Variants in LRP1B observed in about 807,000 individuals in gnomAD.
LRP1B encodes the protein low-density lipoprotein receptor-related protein 1B.
In LRP1B, 217 loss-of-function variants were observed where a neutral mutation model predicts 556.6. The ratio of observed to expected loss-of-function variants is 0.39; its 90% CI spans 0.35 to 0.44. The LOEUF (loss-of-function observed/expected upper bound fraction) is 0.44, where lower values mean the gene tolerates loss of function less well. Ranked by LOEUF, LRP1B falls within the 20% of genes least tolerant of loss-of-function variation. LRP1B has a pLI of 1.00. For synonymous variants in LRP1B, 2,047 were observed against 1,865.8 expected, an observed-to-expected ratio of 1.10 and a Z score of -2.50; for missense variants, 5,053 against 5,620.8, an observed-to-expected ratio of 0.90 and a Z score of 3.23.
At chr2:141,957,631 T>G (rs1397551272) in intron 1 of LRP1B, among the ~76,000 whole-genome samples, 1 of 152,008 alleles carries the variant, frequency 6.6e-6, no homozygotes, top group African/African-American at 2.4e-5. Context: ...TCTGTGGACA[T>G]CAAAAATGAA....
chr2:140,442,373 AAC>A, intron 66 of LRP1B, 129 bp downstream of exon 66: 1 of 1,173,704 alleles, frequency 8.5e-7, no homozygotes, highest in Non-Finnish European at 1.2e-6. Flanking sequence ...TGAATCTGTG[AAC>A]ACAGAGACAA....
rs570619491 is a variant in LRP1B, at chr2:140,845,364, T to C, written c.4940-4272A>G. Among the ~76,000 whole-genome samples the C allele has an allele frequency of 2.6e-5, 4 of 152,140 alleles. No individual in the cohort carries two copies. In the South Asian group the frequency reaches 8.3e-4, roughly 32 times the overall value. ...CTGCAAAACCAAAGAAAGGGAAAAA[T>C]AAAGTTAAACTGATTCCTGGTTTAT... On this transcript the variant is annotated intron_variant, in intron 29 of 90. Coordinates refer to ENST00000389484, the MANE Select transcript of LRP1B (RefSeq NM_018557.3).
chr2:140,565,649 C>T (rs929308461), intron 43 of LRP1B, among the ~76,000 whole-genome samples: 4 of 152,140 alleles, frequency 2.6e-5, no homozygotes, highest in Non-Finnish European at 4.4e-5. Context: ...CCAACAAAAA[C>T]AGCCAAAACA....
rs2105004309 is a variant in LRP1B, at chr2:140,536,719, A to G, written c.7514-10T>C. On this transcript the variant is annotated splice_polypyrimidine_tract_variant and intron_variant, in intron 45 of 90. Transcript: ENST00000389484. ...CAGGAGGAATTTTTAGCTGCAAGAAAAAAAAAAAAAGTCAATACTTTTGTG... is the reference window on the plus strand; with the variant it reads ...CAGGAGGAATTTTTAGCTGCAAGAAGAAAAAAAAAAGTCAATACTTTTGTG... 1.3e-6 allele frequency: 2 copies of G among 1,531,874 alleles called. No individual in the cohort carries two copies. The highest frequency in any genetic ancestry group is 4.1e-5 in the Admixed American group (2 of 48,996). 94.9% of individuals were successfully genotyped at this position (1,531,874 alleles called of 1,614,324 possible). A position where few individuals can be genotyped will look rare whatever the true frequency, so the allele number is the denominator to read the frequency against.
intron 7 of LRP1B, among the ~76,000 whole-genome samples, chr2:141,149,178 TA>T (rs1432039903): frequency 6.6e-6 from 1 of 152,116 alleles, no homozygotes; most frequent in East Asian, 1.9e-4. Context: ...GGTCTCAGAA[TA>T]AAAAGGGTTT....
intron 3 of LRP1B, among the ~76,000 whole-genome samples, chr2:141,331,005 G>T (rs1175601702): frequency 6.6e-6 from 1 of 152,074 alleles, no homozygotes; most frequent in Admixed American, 6.6e-5. Flanking sequence ...TGATCCGTCC[G>T]CCTCGGCCTC....
At position 141,336,970 on chromosome 2, in the gene LRP1B, A is replaced by G. The variant is rs147731706; in HGVS notation, c.344-82329T>C. ...AGGGCATTTGGCTTATGTCCAGTTT[A>G]TGTTAGTTATGAGTACAGTTACTGT... On this transcript the variant is annotated intron_variant, in intron 3 of 90. Transcript: ENST00000389484. Among the ~76,000 whole-genome samples, 1,128 of 152,296 alleles carry G rather than the reference A, an allele frequency of 7.4e-3. 19 individuals are homozygous for G. The highest frequency in any genetic ancestry group is 0.034 in the Middle Eastern group (10 of 294).
chr2:140,233,205 A>G lies in LRP1B; in HGVS notation c.13781T>C (p.Ile4594Thr). ...CACTGATTATGCCACTGTCTCTCTTATACCAATTTCTATTTTCTTTGGAAG... is the reference window on the plus strand; with the variant it reads ...CACTGATTATGCCACTGTCTCTCTTGTACCAATTTCTATTTTCTTTGGAAG... ...ELLPKKIEIG[I>T]RETVA is the part of the protein sequence containing the mutation. Residue 4594 changes from isoleucine (I) to threonine (T), a missense_variant, in exon 91 of 91, where the codon ATA (isoleucine) becomes ACA (threonine). Physicochemically the swap from Ile to Thr is moderately conservative, Grantham distance 89. Around this residue, in one of 5 missense-constraint regions of LRP1B, gnomAD observed 551 missense variants for 592.0 expected, o/e 0.93. Coordinates refer to ENST00000389484, the MANE Select transcript of LRP1B (RefSeq NM_018557.3). The G allele has an allele frequency of 6.2e-7, 1 of 1,600,698 alleles. No homozygotes were observed. The highest frequency in any genetic ancestry group is 8.5e-7 in the Non-Finnish European group (1 of 1,170,626).
At chr2:141,605,951 G>GA (rs35831162) in intron 2 of LRP1B, among the ~76,000 whole-genome samples, 1,683 of 146,484 alleles carry the variant, frequency 0.011, 16 homozygotes, top group Middle Eastern at 0.025. Flanking sequence ...AAATGCAAAA[G>GA]AAAAAAAAAA....
intron 41 of LRP1B, among the ~76,000 whole-genome samples, chr2:140,659,581 G>GTGCTACAT (rs1398343663): frequency 6.6e-6 from 1 of 151,980 alleles, no homozygotes; most frequent in Non-Finnish European, 1.5e-5. Context: ...ACACAGATAT[G>GTGCTACAT]TGCTACATAA....
At chr2:140,611,553 G>A (rs796183061) in intron 41 of LRP1B, among the ~76,000 whole-genome samples, 18 of 152,186 alleles carry the variant, frequency 1.2e-4, no homozygotes, top group African/African-American at 3.9e-4. Flanking sequence ...CGTAGAAAGA[G>A]TTTGGTTGTT....
At chr2:141,865,651 G>T (rs1319159975) in intron 1 of LRP1B, among the ~76,000 whole-genome samples, 1 of 147,566 alleles carries the variant, frequency 6.8e-6, no homozygotes, top group African/African-American at 2.5e-5. Context: ...ATCCAAACAA[G>T]AGGGTAGAAG....
intron 32 of LRP1B, among the ~76,000 whole-genome samples, chr2:140,786,233 C>T (rs1689895610): frequency 1.3e-5 from 2 of 152,118 alleles, no homozygotes; most frequent in South Asian, 4.1e-4. Context: ...TTGCAGTCAA[C>T]TTTCAATTTT....
chr2:140,428,061 A>G (rs1685739846), intron 66 of LRP1B, among the ~76,000 whole-genome samples: 1 of 152,158 alleles, frequency 6.6e-6, no homozygotes, highest in African/African-American at 2.4e-5. Context: ...ATCCAGCCCA[A>G]TTCATGGCTT....
chr2:140,512,354 A>G (rs1042697612), intron 51 of LRP1B, among the ~76,000 whole-genome samples: 5 of 152,186 alleles, frequency 3.3e-5, no homozygotes, highest in Non-Finnish European at 5.9e-5. Context: ...AATGGGCCAA[A>G]GAAAAAATTC....
chr2:140,917,415 T>C (rs1694612394), intron 21 of LRP1B, among the ~76,000 whole-genome samples: 1 of 152,192 alleles, frequency 6.6e-6, no homozygotes, highest in Non-Finnish European at 1.5e-5. Flanking sequence ...ACAACAGCTT[T>C]ATTCATAATT....
chr2:141,124,273 A>G (rs1701141649), intron 7 of LRP1B, among the ~76,000 whole-genome samples: 1 of 152,156 alleles, frequency 6.6e-6, no homozygotes, highest in African/African-American at 2.4e-5. Context: ...CACTGAACAG[A>G]GTTTAAAAAT....
intron 11 of LRP1B, among the ~76,000 whole-genome samples, chr2:141,038,393 CT>C (rs1210723802): frequency 1.3e-5 from 2 of 149,176 alleles, no homozygotes; most frequent in Admixed American, 1.3e-4. Flanking sequence ...CTACTACTAC[CT>C]AGTGTAAGCT....
chr2:140,294,940 G>A (rs1339333939), intron 84 of LRP1B, among the ~76,000 whole-genome samples: 1 of 152,118 alleles, frequency 6.6e-6, no homozygotes, highest in Admixed American at 6.5e-5. Context: ...GCAGTGGCGT[G>A]ATCTCGGCTC....
Sources: allele counts gnomAD v4.1 joint callset (sites outside exome capture counted in the v4.1 genomes callset), GRCh38; gene constraint gnomAD v4.1.1; regional missense constraint gnomAD v4.1.1; transcripts MANE v1.5; gene names NCBI Gene and HGNC (gene_info 2026-07-23, HGNC 2026-07-21).